Variants in LINGO1 observed in about 807,000 individuals in gnomAD.
The protein encoded by LINGO1 is leucine rich repeat and Ig domain containing 1, also known as leucine-rich repeat and immunoglobulin-like domain-containing nogo receptor-interacting protein 1.
Under a neutral mutation model 37.3 loss-of-function variants are expected in LINGO1, and 11 were observed. The observed-to-expected ratio is 0.29, with a 90% CI of 0.19 to 0.49. The LOEUF is 0.49. Ranked by LOEUF, LINGO1 falls within the 20% of genes least tolerant of loss-of-function variation. The probability of loss-of-function intolerance (pLI) is 0.99; values close to 1 mark genes in which losing one functional copy is unlikely to be tolerated. For synonymous variants in LINGO1, 387 were observed against 403.0 expected (o/e 0.96, Z 0.48); for missense variants, 585 against 878.2 (o/e 0.67, Z 4.22).
chr15:77,693,235 G>A (rs1462906410), intron 1 of LINGO1, among the ~76,000 whole-genome samples: 1 of 152,160 alleles, frequency 6.6e-6, no homozygotes, highest in Non-Finnish European at 1.5e-5. Flanking sequence ...TATTATAGGG[G>A]CTAGGATTCA....
At position 77,775,465 on chromosome 15, in the gene LINGO1, G is replaced by A. The variant is rs151003359; in HGVS notation, c.-257+11404C>T. 2.0e-3 allele frequency among the ~76,000 whole-genome samples: 305 copies of A among 152,240 alleles called. 7 individuals carry two copies. In the East Asian group the frequency reaches 0.046, roughly 23 times the overall value. On this transcript the variant is annotated intron_variant, in intron 1 of 3. Coordinates refer to the LINGO1 transcript ENST00000561686. ...TTACTGTCCCTGTGGGCTTAGGTGG[G>A]GCTCAGAGTGGAGCATCAACTGGCT... is the stretch of plus-strand genomic sequence containing the variant.
intron 2 of LINGO1, among the ~76,000 whole-genome samples, chr15:77,710,522 C>T (rs890432555): frequency 1.3e-5 from 2 of 152,196 alleles, no homozygotes; most frequent in Non-Finnish European, 2.9e-5. Context: ...GTTCTCTGAT[C>T]GCAGTTTGAT....
intron 3 of LINGO1, chr15:77,646,650 G>C (rs1434995201): frequency 3.3e-6 from 1 of 299,656 alleles, no homozygotes; most frequent in African/African-American, 2.2e-5. Flanking sequence ...CCCTGCCAGG[G>C]TCTGCCCCAA....
chr15:77,765,134 G>T (rs1319177184), intron 1 of LINGO1, among the ~76,000 whole-genome samples: 2 of 152,206 alleles, frequency 1.3e-5, no homozygotes, highest in East Asian at 1.9e-4. Flanking sequence ...GGGAAAGCAG[G>T]CCTGGCATGG....
chr15:77,700,627 G>T (rs1047531435), upstream of LINGO1, among the ~76,000 whole-genome samples: 1 of 152,174 alleles, frequency 6.6e-6, no homozygotes, highest in Non-Finnish European at 1.5e-5. Flanking sequence ...GGGGTGGTAG[G>T]TGGGGTCGGT....
intron 1 of LINGO1, among the ~76,000 whole-genome samples, chr15:77,623,011 G>A (rs1213405783): frequency 1.3e-5 from 2 of 152,116 alleles, no homozygotes; most frequent in East Asian, 1.9e-4. Flanking sequence ...GACAGCCTCC[G>A]AAGTGGGACC....
intron 3 of LINGO1, among the ~76,000 whole-genome samples, chr15:77,676,764 CAA>C (rs1236502903): frequency 6.6e-6 from 1 of 152,208 alleles, no homozygotes; most frequent in Admixed American, 6.5e-5. Flanking sequence ...AAAGCCTGAG[CAA>C]AGACAGACAG....
chr15:77,683,530 T>G (rs996025588), intron 2 of LINGO1, among the ~76,000 whole-genome samples: 1 of 152,204 alleles, frequency 6.6e-6, no homozygotes, highest in Non-Finnish European at 1.5e-5. Flanking sequence ...TAGGCAACGA[T>G]TAAAAAGAAC....
At chr15:77,629,970 G>T (rs564179284) in intron 1 of LINGO1, among the ~76,000 whole-genome samples, 1 of 152,214 alleles carries the variant, frequency 6.6e-6, no homozygotes, top group Non-Finnish European at 1.5e-5. Flanking sequence ...TTTTGTGAGG[G>T]GATGCGGGGC....
intron 1 of LINGO1, among the ~76,000 whole-genome samples, chr15:77,691,207 A>G (rs866518699): frequency 1.3e-5 from 2 of 152,230 alleles, no homozygotes; most frequent in South Asian, 2.1e-4. Context: ...AAATAGCCAC[A>G]TGTAACCAGT....
chr15:77,664,170 T>TGTGTGTGCGCGCGTGCGC, intron 3 of LINGO1, among the ~76,000 whole-genome samples: 3 of 130,946 alleles, frequency 2.3e-5, no homozygotes, highest in Non-Finnish European at 4.6e-5. Context: ...TGTGTGTGTG[T>TGTGTGTGCGCGCGTGCGC]GCGCGCGCGC....
rs535457798 is a variant in LINGO1 at position 77,797,354 on chromosome 15, C to T, written c.-457-1301G>A. 8.5e-5 allele frequency among the ~76,000 whole-genome samples: 13 copies of T among 152,278 alleles called. 2 individuals are homozygous for T. Among genetic ancestry groups the T allele is most frequent in the Middle Eastern group, 6.8e-3 (2 of 294 alleles). ...CTTCTGGGGGTGCACAAGGGGATTT[C>T]GTGGTGTGCAGACAAATGTTTTCAT... On this transcript the variant is annotated intron_variant, in intron 1 of 5. Transcript: ENST00000562933.
chr15:77,788,117 A>T (rs1025495801), upstream of LINGO1: 1 of 152,232 alleles, frequency 6.6e-6, no homozygotes, highest in African/African-American at 2.4e-5. Flanking sequence ...CCCAACCCAC[A>T]GCGAGACACC....
chr15:77,728,596 C>T (rs1007986268), intron 2 of LINGO1, among the ~76,000 whole-genome samples: 2 of 152,226 alleles, frequency 1.3e-5, no homozygotes, highest in Non-Finnish European at 2.9e-5. Flanking sequence ...CCACTCCCTC[C>T]TAGCTGTGTG....
At chr15:77,643,367 G>C (rs1251851607) in intron 3 of LINGO1, among the ~76,000 whole-genome samples, 1 of 152,174 alleles carries the variant, frequency 6.6e-6, no homozygotes, top group Non-Finnish European at 1.5e-5. Flanking sequence ...TCAGGGTAGG[G>C]AGGTCCGCAG....
rs1179445278 is a variant in LINGO1, at chr15:77,704,162, A to G, written c.-194-13261T>C. On this transcript the variant is annotated intron_variant, in intron 2 of 3. Transcript: ENST00000561686. ...ACATGGCAAGTTCTGAAGGATCTGCAGAAGCTACGACCATTCAAGCTTCTG... is the reference window on the plus strand; with the variant it reads ...ACATGGCAAGTTCTGAAGGATCTGCGGAAGCTACGACCATTCAAGCTTCTG... 2.0e-5 allele frequency among the ~76,000 whole-genome samples: 3 copies of G among 152,204 alleles called. No homozygotes were observed. In the East Asian group the frequency reaches 5.8e-4, roughly 29 times the overall value.
At chr15:77,804,790 C>CTAA (rs2076946586) in intron 1 of LINGO1, among the ~76,000 whole-genome samples, 1 of 152,190 alleles carries the variant, frequency 6.6e-6, no homozygotes, top group African/African-American at 2.4e-5. Context: ...TCCCACACTG[C>CTAA]TAAGTGAGCC....
chr15:77,676,874 C>T lies in LINGO1; in HGVS notation c.-13+215G>A, dbSNP rs146313491. ...GCCTGGTGAGGAAGAATGGCTGAGGCGTGGCCTTCCTTCTCAGAGGTCAGG... is the reference window on the plus strand; with the variant it reads ...GCCTGGTGAGGAAGAATGGCTGAGGTGTGGCCTTCCTTCTCAGAGGTCAGG... On this transcript the variant is annotated intron_variant, in intron 3 of 3. Transcript: ENST00000559893. Among the ~76,000 whole-genome samples the T allele has an allele frequency of 5.0e-4, 76 of 152,308 alleles. 1 individual carries two copies. Among genetic ancestry groups the T allele is most frequent in the Middle Eastern group, 3.4e-3 (1 of 294 alleles).
At chr15:77,634,904 G>GGGGGGC (rs904670887), upstream of LINGO1, among the ~76,000 whole-genome samples, 16 of 152,306 alleles carry the variant, frequency 1.1e-4, no homozygotes, top group East Asian at 1.9e-3. Context: ...CAGACCCGCT[G>GGGGGGC]GGGGGCGGGG....
Sources: gnomAD v4.1 joint callset for allele counts (sites outside exome capture counted in the v4.1 genomes callset) on GRCh38, gnomAD v4.1.1 for gene constraint, MANE v1.5 for transcripts, NCBI Gene and HGNC (gene_info 2026-07-23, HGNC 2026-07-21) for gene names.